HP1BP3: variants seen among roughly 807,000 people sequenced by gnomAD.
HP1BP3 encodes heterochromatin protein 1-binding protein 3.
In HP1BP3, 12 loss-of-function variants were observed where a neutral mutation model predicts 62.5. The observed-to-expected ratio is 0.19, with a 90% CI of 0.12 to 0.31. The LOEUF (loss-of-function observed/expected upper bound fraction) is 0.31, where lower values mean the gene tolerates loss of function less well. Ranked by LOEUF, HP1BP3 falls within the 10% of genes least tolerant of loss-of-function variation. HP1BP3 has a pLI of 1.00. For missense variants in HP1BP3, 502 were observed against 651.8 expected (o/e 0.77, Z 2.50); for synonymous variants, 260 against 237.8 (o/e 1.09, Z -0.86).
At chr1:20,750,430 A>G (rs1282205694) in intron 9 of HP1BP3, among the ~76,000 whole-genome samples, 1 of 141,714 alleles carries the variant, frequency 7.1e-6, no homozygotes, top group Non-Finnish European at 1.6e-5. Flanking sequence ...TGGGAGGCTG[A>G]GGCAGGAGAG....
At chr1:20,784,171 T>C (rs969355031) in intron 1 of HP1BP3, among the ~76,000 whole-genome samples, 3 of 152,204 alleles carry the variant, frequency 2.0e-5, no homozygotes, top group African/African-American at 4.8e-5. Flanking sequence ...GGTTTTGCCA[T>C]GTTGCCCAGG....
At chr1:20,764,811 G>A (rs907718338) in intron 8 of HP1BP3, among the ~76,000 whole-genome samples, 9 of 151,654 alleles carry the variant, frequency 5.9e-5, no homozygotes, top group Non-Finnish European at 1.2e-4. Flanking sequence ...GGAGTTAGAG[G>A]CTGCAGTGAG....
At chr1:20,773,385 C>T in intron 5 of HP1BP3, 66 bp downstream of exon 5, 1 of 1,412,290 alleles carries the variant, frequency 7.1e-7, no homozygotes, top group Non-Finnish European at 9.7e-7. Context: ...AGATATATGC[C>T]ATTTTCAAAT....
chr1:20,781,933 C>T (rs1005105546), intron 1 of HP1BP3, among the ~76,000 whole-genome samples: 3 of 151,880 alleles, frequency 2.0e-5, no homozygotes, highest in African/African-American at 7.2e-5. Flanking sequence ...GCCCATTTTT[C>T]TTAATGATAA....
intron 2 of HP1BP3, 89 bp downstream of exon 2, chr1:20,780,256 G>T (rs2057483706): frequency 2.2e-6 from 2 of 905,960 alleles, no homozygotes; most frequent in Non-Finnish European, 1.8e-6. Flanking sequence ...CCCAAAGTAA[G>T]GGAAGGAACA....
Position 20,773,435 on chromosome 1 carries a change from T to C in HP1BP3, c.510+16A>G, listed in dbSNP as rs756727499. On this transcript the variant is annotated intron_variant, in intron 5 of 12. Transcript: ENST00000438032. Reference sequence around the variant, plus strand: ...CATAATAAATCTAAGATGAATTGCTTGAAATAAAAACTTGCCTTAATGGCC... The same window carrying C: ...CATAATAAATCTAAGATGAATTGCTCGAAATAAAAACTTGCCTTAATGGCC... The C allele has an allele frequency of 3.2e-6, 5 of 1,583,054 alleles. No homozygotes were observed. Among genetic ancestry groups the C allele is most frequent in the Non-Finnish European group, 4.3e-6 (5 of 1,165,034 alleles).
chr1:20,740,915 T>C lies in HP1BP3; in HGVS notation c.*3882A>G, dbSNP rs942920126. 6.6e-6 allele frequency among the ~76,000 whole-genome samples: 1 copy of C among 152,244 alleles called. No homozygotes were observed. Among genetic ancestry groups the C allele is most frequent in the African/African-American group, 2.4e-5 (1 of 41,468 alleles). On this transcript the variant is annotated 3_prime_UTR_variant, in exon 13 of 13. Transcript: ENST00000438032. ...ATTAGGGGTACTGTTTAACCATCTG[T>C]AATGGCTTCTAAACAAATCTTTGTC...
rs755405979 is a variant in HP1BP3 at position 20,747,528 on chromosome 1, T to C, written c.1253+16A>G. 7.6e-6 allele frequency: 11 copies of C among 1,454,992 alleles called. No individual in the cohort carries two copies. The highest frequency in any genetic ancestry group is 4.2e-5 in the African/African-American group (3 of 71,112). The allele number at this position is 1,454,992 out of a possible 1,614,324, so 90.1% of individuals were successfully genotyped here. ...ACTATAAATTTACAGTGATCTATTA[T>C]AGGCTAAGTACTTACCTGGGATAAT... is the stretch of plus-strand genomic sequence containing the variant. On this transcript the variant is annotated intron_variant, in intron 11 of 12. Transcript: ENST00000438032.
At chr1:20,775,659 A>T (rs780907472) in intron 4 of HP1BP3, 8 of 220,668 alleles carry the variant, frequency 3.6e-5, no homozygotes, top group Non-Finnish European at 7.0e-5. Flanking sequence ...CAGGTATACC[A>T]TTTTTTATCT....
intron 9 of HP1BP3, chr1:20,750,212 G>T (rs914431425): frequency 9.7e-6 from 2 of 206,542 alleles, no homozygotes; most frequent in Non-Finnish European, 2.0e-5. Flanking sequence ...TTTTGGCTGG[G>T]TGCTCACACC....
rs2057158333 is a variant in HP1BP3 at position 20,773,595 on chromosome 1, A to C, written c.366T>G (p.Ser122=). ...TTTTCACTTTCTTCTCCTTTTCTTT[A>C]GACTGATCTTTCTCACTTTAAAACA... ...EETKKDEKDQ[S]KEKEKKVKKT... Residue 122 remains serine, a synonymous_variant, in exon 5 of 13, where the codon TCT becomes TCG. Coordinates refer to ENST00000438032, the MANE Select transcript of HP1BP3 (RefSeq NM_001372052.1). The C allele has an allele frequency of 3.7e-6, 6 of 1,603,492 alleles. No homozygotes were observed. Among genetic ancestry groups the C allele is most frequent in the African/African-American group, 2.7e-5 (2 of 74,520 alleles).
chr1:20,769,184 C>T (rs1386036704), intron 6 of HP1BP3, among the ~76,000 whole-genome samples: 2 of 152,282 alleles, frequency 1.3e-5, no homozygotes, highest in East Asian at 1.9e-4. Flanking sequence ...TAGCTCATAG[C>T]TCAACTCAAG....
In HP1BP3 at chr1:20,740,783, G is replaced by C. The variant is rs760201726; in HGVS notation, c.*4014C>G. ...CAGTGAGCCAAGATCACACCACTGC[G>C]CTGCAGCCTTAGTGACACAGCAAAC... is the stretch of plus-strand genomic sequence containing the variant. On this transcript the variant is annotated 3_prime_UTR_variant, in exon 13 of 13. Transcript: ENST00000438032. Among the ~76,000 whole-genome samples the C allele has an allele frequency of 6.6e-6, 1 of 152,180 alleles. No homozygotes were observed. The highest frequency in any genetic ancestry group is 2.4e-5 in the African/African-American group (1 of 41,442).
Position 20,779,926 on chromosome 1 carries a change from G to A in HP1BP3, c.97-15C>T, listed in dbSNP as rs529335960. ...TCTTCTACCTTCTAAGAAAAGAGAT[G>A]GCCATAATCAAACATGCATTAAAAA... On this transcript the variant is annotated splice_polypyrimidine_tract_variant and intron_variant, in intron 2 of 12. Coordinates refer to ENST00000438032, the MANE Select transcript of HP1BP3 (RefSeq NM_001372052.1). The A allele has an allele frequency of 1.2e-5, 19 of 1,590,238 alleles. No homozygotes were observed. The African/African-American group carries it at 1.2e-4, about 10-fold the overall frequency.
At chr1:20,776,846 G>T in intron 3 of HP1BP3, 96 bp from the exon 4 acceptor site, 1 of 1,013,014 alleles carries the variant, frequency 9.9e-7, no homozygotes, top group Non-Finnish European at 1.4e-6. Context: ...ACCAGCCAAA[G>T]TCTCCAATTA....
chr1:20,745,480 C>A, intron 12 of HP1BP3, 63 bp downstream of exon 12: 1 of 1,568,902 alleles, frequency 6.4e-7, no homozygotes, highest in Admixed American at 2.0e-5. Context: ...CCTCCTATAG[C>A]ACTATTTTTC....
rs186773497 is a variant in HP1BP3, at chr1:20,783,455, G to A, written c.-100-2915C>T. 3.3e-5 allele frequency among the ~76,000 whole-genome samples: 5 copies of A among 152,024 alleles called. No homozygotes were observed. The East Asian group carries it at 7.8e-4, about 24-fold the overall frequency. ...AATCACTTGAACCTGGGAGGCGGAGGTTGCAGTGACCTGAGATCATGCCAC... is the reference window on the plus strand; with the variant it reads ...AATCACTTGAACCTGGGAGGCGGAGATTGCAGTGACCTGAGATCATGCCAC... On this transcript the variant is annotated intron_variant, in intron 1 of 12. Coordinates refer to ENST00000438032, the MANE Select transcript of HP1BP3 (RefSeq NM_001372052.1).
chr1:20,779,580 C>A (rs1235731226), intron 3 of HP1BP3, among the ~76,000 whole-genome samples: 42 of 152,050 alleles, frequency 2.8e-4, no homozygotes, highest in Admixed American at 2.7e-3. Flanking sequence ...GTTTTTAATT[C>A]CAACATAACA....
At chr1:20,756,998 C>G (rs1043039324) in intron 9 of HP1BP3, among the ~76,000 whole-genome samples, 168 bp downstream of exon 9, 1 of 152,184 alleles carries the variant, frequency 6.6e-6, no homozygotes, top group Non-Finnish European at 1.5e-5. Context: ...GTGTGAGCCA[C>G]CGCACCCAGA....
Sources: gnomAD v4.1 joint callset for allele counts (sites outside exome capture counted in the v4.1 genomes callset) on GRCh38, gnomAD v4.1.1 for gene constraint, MANE v1.5 for transcripts, NCBI Gene and HGNC (gene_info 2026-07-23, HGNC 2026-07-21) for gene names.